The following SLC24A2 variants were observed in gnomAD, a reference collection of about 807,000 sequenced individuals.
SLC24A2 encodes the protein solute carrier family 24 member 2.
In SLC24A2, 36 loss-of-function variants were observed where a neutral mutation model predicts 62.0. That is an observed-to-expected ratio of 0.58 (90% confidence interval 0.44 to 0.77). SLC24A2 has a LOEUF of 0.77. SLC24A2 is among the 30% of genes least tolerant of loss of function. The pLI is 0.00. For missense variants in SLC24A2, 846 were observed against 817.9 expected (o/e 1.03, Z -0.42); for synonymous variants, 358 against 294.0 (o/e 1.22, Z -2.23).
chr9:20,148,932 G>T, the SLC24A2 span, among the ~76,000 whole-genome samples: 1 of 152,070 alleles, frequency 6.6e-6, no homozygotes, highest in African/African-American at 2.4e-5. Context: ...AATCACAGTT[G>T]TAAGTGAAAT....
At chr9:20,192,983 C>T in the SLC24A2 span, among the ~76,000 whole-genome samples, 2 of 152,054 alleles carry the variant, frequency 1.3e-5, no homozygotes, top group Non-Finnish European at 1.5e-5. Flanking sequence ...TTTGAAGAAC[C>T]CCCCAGCACA....
At chr9:20,115,101 T>C in the SLC24A2 span, among the ~76,000 whole-genome samples, 1 of 151,942 alleles carries the variant, frequency 6.6e-6, no homozygotes, top group African/African-American at 2.4e-5. Context: ...CCAAAGAACA[T>C]ACAATAGCCT....
At chr9:20,058,562 T>C in the SLC24A2 span, among the ~76,000 whole-genome samples, 1 of 151,244 alleles carries the variant, frequency 6.6e-6, no homozygotes, top group South Asian at 2.1e-4. Context: ...CAGTGGAGCA[T>C]AAGTAACAAT....
At chr9:19,554,281 A>G (rs1479508273) in intron 7 of SLC24A2, among the ~76,000 whole-genome samples, 1 of 152,222 alleles carries the variant, frequency 6.6e-6, no homozygotes, top group Non-Finnish European at 1.5e-5. Context: ...GAACTGTGGT[A>G]AAGTAGCTTT....
chr9:19,827,568 A>G, the SLC24A2 span, among the ~76,000 whole-genome samples: 1 of 152,024 alleles, frequency 6.6e-6, no homozygotes, highest in Non-Finnish European at 1.5e-5. Context: ...ATTTTCATAT[A>G]TTTTTACATT....
At chr9:19,689,265 G>A (rs1361998909) in intron 2 of SLC24A2, among the ~76,000 whole-genome samples, 2 of 151,902 alleles carry the variant, frequency 1.3e-5, no homozygotes, top group Non-Finnish European at 2.9e-5. Flanking sequence ...CAGGACTCCC[G>A]AAGAAGGAAA....
At chr9:20,272,481 C>T in the SLC24A2 span, among the ~76,000 whole-genome samples, 4 of 152,160 alleles carry the variant, frequency 2.6e-5, no homozygotes, top group Non-Finnish European at 5.9e-5. Flanking sequence ...AGACTCTACC[C>T]TGACACCCTG....
chr9:20,147,029 C>A, the SLC24A2 span, among the ~76,000 whole-genome samples: 5 of 152,192 alleles, frequency 3.3e-5, no homozygotes, highest in African/African-American at 1.2e-4. Flanking sequence ...ACGTACAACC[C>A]CCTATGAGCT....
At chr9:19,693,234 G>A (rs369034955) in intron 2 of SLC24A2, among the ~76,000 whole-genome samples, 1 of 152,124 alleles carries the variant, frequency 6.6e-6, no homozygotes, top group African/African-American at 2.4e-5. Context: ...AAAGACACAC[G>A]CACATGTATG....
chr9:19,982,283 G>T, the SLC24A2 span, among the ~76,000 whole-genome samples: 9 of 152,170 alleles, frequency 5.9e-5, no homozygotes, highest in Non-Finnish European at 7.4e-5. Flanking sequence ...GTGTGAGTGT[G>T]TGCAAGGTGT....
upstream of SLC24A2, among the ~76,000 whole-genome samples, chr9:19,790,935 AC>A (rs1469673739): frequency 1.3e-5 from 2 of 152,164 alleles, no homozygotes; most frequent in Non-Finnish European, 2.9e-5. Context: ...CTCAGAGATG[AC>A]CCTGAGTCTT....
the SLC24A2 span, among the ~76,000 whole-genome samples, chr9:19,934,853 A>T: frequency 6.6e-6 from 1 of 152,000 alleles, no homozygotes; most frequent in Non-Finnish European, 1.5e-5. This position sits in a 1 kb window ranked among gnomAD's most constrained non-coding sequence, Gnocchi z 4.1. Flanking sequence ...CTCCAGGGAA[A>T]GGAGGAGCGG....
the SLC24A2 span, among the ~76,000 whole-genome samples, chr9:20,307,652 C>T: frequency 1.3e-5 from 2 of 152,162 alleles, no homozygotes; most frequent in South Asian, 4.1e-4. Context: ...GAAATACTTA[C>T]TGCTTAAAGA....
At chr9:20,022,193 C>T in the SLC24A2 span, among the ~76,000 whole-genome samples, 1 of 152,266 alleles carries the variant, frequency 6.6e-6, no homozygotes, top group African/African-American at 2.4e-5. Context: ...TGAAATGCAT[C>T]TTGTATCTTT....
intron 4 of SLC24A2, among the ~76,000 whole-genome samples, chr9:19,617,879 T>C (rs1432590868): frequency 6.6e-6 from 1 of 152,160 alleles, no homozygotes; most frequent in Non-Finnish European, 1.5e-5. Flanking sequence ...GTCTAGGCAG[T>C]GGCAATGGAA....
At chr9:20,096,482 T>A in the SLC24A2 span, among the ~76,000 whole-genome samples, 21 of 152,264 alleles carry the variant, frequency 1.4e-4, no homozygotes, top group South Asian at 3.9e-3. Flanking sequence ...CTTTTCTGTA[T>A]GTTTCAATTC....
the SLC24A2 span, among the ~76,000 whole-genome samples, chr9:20,054,724 T>A: frequency 6.6e-6 from 1 of 152,178 alleles, no homozygotes; most frequent in Non-Finnish European, 1.5e-5. Context: ...TGTGAATGCA[T>A]TGAAATCTCC....
intron 2 of SLC24A2, among the ~76,000 whole-genome samples, chr9:19,769,993 A>T (rs187563154): frequency 6.6e-6 from 1 of 151,832 alleles, no homozygotes; most frequent in East Asian, 2.0e-4. Flanking sequence ...ACTTTAGGTA[A>T]CTTACTTACC....
chr9:19,642,983 ATTCTTTT>A lies in SLC24A2; in HGVS notation c.931-20691_931-20685del, dbSNP rs1310285700. Among the ~76,000 whole-genome samples, 102 of 105,084 alleles carry A rather than the reference ATTCTTTT, an allele frequency of 9.7e-4. 2 individuals are homozygous for A. Among genetic ancestry groups the A allele is most frequent in the African/African-American group, 3.7e-3 (98 of 26,308 alleles). 68.9% of individuals were successfully genotyped at this position (105,084 alleles called of 152,430 possible). Reference sequence around the variant, plus strand: ...GCGTGAGCCACCGTGCCTGGCCAGTATTCTTTTTTTTTTTTTTTTTTTTTTAACATAT... The same window carrying A: ...GCGTGAGCCACCGTGCCTGGCCAGTATTTTTTTTTTTTTTTTTTAACATAT... On this transcript the variant is annotated intron_variant, in intron 2 of 10. Transcript: ENST00000341998.
Sources: gnomAD v4.1 joint callset for allele counts (sites outside exome capture counted in the v4.1 genomes callset) on GRCh38, gnomAD v4.1.1 for gene constraint, Gnocchi (gnomAD v3.1) non-coding constraint, MANE v1.5 for transcripts, NCBI Gene and HGNC (gene_info 2026-07-23, HGNC 2026-07-21) for gene names.